Variants in NLGN1 observed in about 807,000 individuals in gnomAD.
The protein encoded by NLGN1 is neuroligin-1.
In NLGN1, 12 loss-of-function variants were observed where a neutral mutation model predicts 65.5. That is an observed-to-expected ratio of 0.18 (90% CI 0.12 to 0.30). NLGN1 has a LOEUF of 0.30. Ranked by LOEUF, NLGN1 falls within the 10% of genes least tolerant of loss-of-function variation. The pLI, the probability that NLGN1 is intolerant of heterozygous loss-of-function variation, is 1.00. For synonymous variants in NLGN1, 350 were observed against 359.5 expected (o/e 0.97, Z 0.30); for missense variants, 750 against 1,007.1 (o/e 0.74, Z 3.46).
At chr3:174,076,447 G>T (rs1740920851) in intron 4 of NLGN1, among the ~76,000 whole-genome samples, 1 of 151,988 alleles carries the variant, frequency 6.6e-6, no homozygotes, top group Non-Finnish European at 1.5e-5. Context: ...CTCACATTTG[G>T]TCTGAATCTG....
rs79191623 is a variant in NLGN1 at position 174,224,775 on chromosome 3, C to T, written c.647-50540C>T. On this transcript the variant is annotated intron_variant, in intron 4 of 6. Coordinates refer to ENST00000457714, the Ensembl canonical transcript of NLGN1. ...CTGCTAGGAGGTGCATCAAGCTAAC[C>T]GAACTTTTTTTGCACTAGGCTTTCA... is the stretch of plus-strand genomic sequence containing the variant. Among the ~76,000 whole-genome samples the T allele has an allele frequency of 7.1e-4, 108 of 152,264 alleles. 2 individuals carry two copies. In the East Asian group the frequency reaches 0.017, roughly 25 times the overall value.
intron 4 of NLGN1, among the ~76,000 whole-genome samples, chr3:174,097,992 A>T (rs554467343): frequency 9.3e-4 from 142 of 152,366 alleles, no homozygotes; most frequent in African/African-American, 3.3e-3. Context: ...ATCCTCCTGC[A>T]GTAGCTTCTC....
At chr3:174,193,554 G>A (rs927463187) in intron 4 of NLGN1, among the ~76,000 whole-genome samples, 3 of 152,122 alleles carry the variant, frequency 2.0e-5, no homozygotes, top group Non-Finnish European at 2.9e-5. Flanking sequence ...ATCTTCTTAC[G>A]ACTCCATTGA....
At chr3:173,972,902 C>T (rs1208984009) in intron 4 of NLGN1, among the ~76,000 whole-genome samples, 2 of 152,134 alleles carry the variant, frequency 1.3e-5, no homozygotes, top group African/African-American at 4.8e-5. Flanking sequence ...GCCCAACAAT[C>T]TGTATTTTAA....
At chr3:173,426,680 T>G (rs1458181689) in intron 1 of NLGN1, among the ~76,000 whole-genome samples, 1 of 152,122 alleles carries the variant, frequency 6.6e-6, no homozygotes, top group Non-Finnish European at 1.5e-5. Flanking sequence ...TAAATCTTGC[T>G]TGATCATGAT....
At chr3:174,142,135 A>G (rs1436655389) in intron 4 of NLGN1, among the ~76,000 whole-genome samples, 1 of 152,156 alleles carries the variant, frequency 6.6e-6, no homozygotes, top group African/African-American at 2.4e-5. Context: ...ACCTAAATAT[A>G]TAGTATCATT....
chr3:174,154,353 AAG>A (rs1214513750), intron 4 of NLGN1, among the ~76,000 whole-genome samples: 1 of 152,058 alleles, frequency 6.6e-6, no homozygotes, highest in Non-Finnish European at 1.5e-5. Context: ...ATTTCCGTGG[AAG>A]AGAGTGACAA....
chr3:174,226,145 G>A (rs1301710685), intron 4 of NLGN1, among the ~76,000 whole-genome samples: 2 of 152,004 alleles, frequency 1.3e-5, no homozygotes, highest in Admixed American at 6.6e-5. Context: ...ACATATGGCT[G>A]GAAGTGCCTC....
chr3:174,281,158 T>A (rs1751468619), exon 7 of NLGN1: 1 of 1,613,218 alleles, frequency 6.2e-7, no homozygotes, highest in South Asian at 1.1e-5. Context: ...GTTCCCTTAA[T>A]GACACCCAAC....
intron 1 of NLGN1, among the ~76,000 whole-genome samples, chr3:173,415,399 C>T (rs539754250): frequency 5.9e-4 from 90 of 152,210 alleles, no homozygotes; most frequent in Non-Finnish European, 9.9e-4. Flanking sequence ...TCTCAACAAG[C>T]GGTTTAGCGG....
chr3:173,453,204 A>G (rs1296266891), intron 2 of NLGN1, among the ~76,000 whole-genome samples: 5 of 151,566 alleles, frequency 3.3e-5, no homozygotes, highest in Non-Finnish European at 7.4e-5. Flanking sequence ...GGCTGTAGCA[A>G]TTCTTCCTAA....
chr3:173,625,082 GGATTTACTAT>G (rs1754617877), intron 3 of NLGN1, among the ~76,000 whole-genome samples: 1 of 151,974 alleles, frequency 6.6e-6, no homozygotes, highest in Non-Finnish European at 1.5e-5. Flanking sequence ...AATTGTTTCT[GGATTTACTAT>G]AATACATTTA....
intron 2 of NLGN1, among the ~76,000 whole-genome samples, chr3:173,562,208 T>C (rs1742847548): frequency 6.6e-6 from 1 of 152,266 alleles, no homozygotes; most frequent in South Asian, 2.1e-4. Flanking sequence ...AGAAATTGCA[T>C]ATGTGTGTGC....
At chr3:173,502,094 T>C (rs1340077820) in intron 2 of NLGN1, among the ~76,000 whole-genome samples, 3 of 152,154 alleles carry the variant, frequency 2.0e-5, no homozygotes, top group African/African-American at 7.2e-5. Context: ...AGTCACACTG[T>C]AATATTTTTT....
rs534070734 is a variant in NLGN1, at chr3:173,568,228, C to G, written c.-320-36051C>G. The stretch of plus-strand genomic sequence containing the variant: ...CTTTCCTTTCCTTTTCCTTTCCTTT[C>G]CTTTTCCTTTTCCTTTTCCTTTTCT... On this transcript the variant is annotated intron_variant, in intron 2 of 6. Coordinates refer to ENST00000457714, the Ensembl canonical transcript of NLGN1. 1.1e-4 allele frequency among the ~76,000 whole-genome samples: 16 copies of G among 140,464 alleles called. No individual in the cohort carries two copies. The South Asian group carries it at 3.5e-3, about 31-fold the overall frequency. 92.1% of individuals were successfully genotyped at this position (140,464 alleles called of 152,430 possible). A position where few individuals can be genotyped will look rare whatever the true frequency, so the allele number is the denominator to read the frequency against.
chr3:174,139,628 A>G (rs1025161571), intron 4 of NLGN1, among the ~76,000 whole-genome samples: 1 of 152,130 alleles, frequency 6.6e-6, no homozygotes, highest in African/African-American at 2.4e-5. Context: ...GGATAAATAA[A>G]AAGGGGAAAA....
At chr3:173,409,803 A>T (rs987310833) in intron 1 of NLGN1, among the ~76,000 whole-genome samples, 1 of 152,232 alleles carries the variant, frequency 6.6e-6, no homozygotes, top group Admixed American at 6.5e-5. Context: ...AATGAAACAT[A>T]AAAAAGACAA....
chr3:173,703,980 A>G (rs978935347), intron 3 of NLGN1, among the ~76,000 whole-genome samples: 4 of 152,272 alleles, frequency 2.6e-5, no homozygotes, highest in Non-Finnish European at 1.5e-5. Flanking sequence ...TGAATGTCTT[A>G]TGGTTTTGCC....
At chr3:173,998,125 C>T (rs1028749238) in intron 4 of NLGN1, among the ~76,000 whole-genome samples, 1 of 152,074 alleles carries the variant, frequency 6.6e-6, no homozygotes, top group Non-Finnish European at 1.5e-5. Context: ...AAAAGTAAAG[C>T]CCAACAAGGA....
Sources: allele counts gnomAD v4.1 joint callset (sites outside exome capture counted in the v4.1 genomes callset), GRCh38; gene constraint gnomAD v4.1.1; transcripts MANE v1.5; gene names NCBI Gene and HGNC (gene_info 2026-07-23, HGNC 2026-07-21).